DLAT: variants seen among roughly 807,000 people sequenced by gnomAD.
DLAT encodes dihydrolipoamide S-acetyltransferase.
DLAT carries 43 observed loss-of-function variants against 68.0 expected under a neutral mutation model. The ratio of observed to expected loss-of-function variants is 0.63; its 90% CI spans 0.50 to 0.81. The LOEUF (loss-of-function observed/expected upper bound fraction) is 0.81, where lower values mean the gene tolerates loss of function less well. Ranked by LOEUF, DLAT falls within the 40% of genes least tolerant of loss-of-function variation. The pLI, the probability that DLAT is intolerant of heterozygous loss-of-function variation, is 0.00. For synonymous variants in DLAT, 265 were observed against 288.6 expected (o/e 0.92, Z 0.83); for missense variants, 745 against 815.4 (o/e 0.91, Z 1.05).
intron 11 of DLAT, among the ~76,000 whole-genome samples, chr11:112,056,554 G>A (rs782553543): frequency 6.6e-6 from 1 of 152,016 alleles, no homozygotes; most frequent in Non-Finnish European, 1.5e-5. Context: ...GTGTTTAATC[G>A]TATCAATATA....
At position 112,025,737 on chromosome 11, in the gene DLAT, C is replaced by A. The variant is rs781970601; in HGVS notation, c.265C>A (p.Pro89Thr). Residue 89 changes from proline (P) to threonine (T), a missense_variant, in exon 1 of 14, where the codon CCC (proline) becomes ACC (threonine). Transcript: ENST00000280346. ...GSPGRRYYSL[P>T]PHQKVPLPSL... ...GCCCGGCCGCCGCTATTACAGTCTT[C>A]CCCCGCATCAGAAGGTGAGCCCTAG... 2 of 1,613,300 alleles carry A rather than the reference C, an allele frequency of 1.2e-6. No homozygotes were observed. Among genetic ancestry groups the A allele is most frequent in the Non-Finnish European group, 8.5e-7 (1 of 1,179,964 alleles).
chr11:112,027,913 T>TGGGGAGAGGGAGAGGGAG (rs1862162686), intron 2 of DLAT, among the ~76,000 whole-genome samples: 3 of 120,606 alleles, frequency 2.5e-5, no homozygotes. Flanking sequence ...AGGGAGACCG[T>TGGGGAGAGGGAGAGGGAG]GGGGAGAGGG....
In DLAT at chr11:112,060,039, G is replaced by T; in HGVS notation, c.1651G>T (p.Gly551Cys). 1.2e-6 allele frequency: 2 copies of T among 1,613,786 alleles called. No homozygotes were observed. The highest frequency in any genetic ancestry group is 1.1e-5 in the South Asian group (1 of 91,062). ...VVSLATKARE[G>C]KLQPHEFQGG... is the part of the protein sequence containing the mutation. ...TTCTTTAGCAACCAAAGCAAGAGAG[G>T]GTAAACTACAGCCACATGAATTCCA... The change falls in exon 12 of 14, where the codon GGT (glycine) becomes TGT (cysteine). Residue 551 changes from glycine (G) to cysteine (C), a missense_variant. Physicochemically the swap from Gly to Cys is radical, Grantham distance 159 (BLOSUM62 -3). Coordinates refer to ENST00000280346, the MANE Select transcript of DLAT (RefSeq NM_001931.5).
chr11:112,036,151 ATATGTGTGTGTATATATGTGTGTG>A (rs139271036), intron 5 of DLAT, among the ~76,000 whole-genome samples: 88 of 135,260 alleles, frequency 6.5e-4, no homozygotes, highest in Middle Eastern at 4.3e-3. Flanking sequence ...GTATATATAT[ATATGTGTGTGTATATATGTGTGTG>A]TGTGTGTGTG....
chr11:112,037,219 T>G, intron 5 of DLAT, 54 bp from the exon 6 acceptor site: 1 of 1,533,888 alleles, frequency 6.5e-7, no homozygotes. Context: ...GCTGTGAGTT[T>G]GGAGGGATAG....
chr11:112,047,716 T>C (rs1863395184), intron 10 of DLAT, among the ~76,000 whole-genome samples: 1 of 152,230 alleles, frequency 6.6e-6, no homozygotes, highest in Non-Finnish European at 1.5e-5. Context: ...ATTGATTAAA[T>C]AGGGAATCCT....
rs1555183600 is a variant in DLAT, at chr11:112,064,161, C to T, written c.*1626C>T. On this transcript the variant is annotated 3_prime_UTR_variant, in exon 14 of 14. Coordinates refer to ENST00000280346, the MANE Select transcript of DLAT (RefSeq NM_001931.5). ...TCATCAATATGATCCAAATCTGGTT[C>T]AAACATTCAAAACTTCAAAGATAAT... The T allele has an allele frequency of 6.4e-7, 1 of 1,561,208 alleles. No homozygotes were observed. Among genetic ancestry groups the T allele is most frequent in the Non-Finnish European group, 8.7e-7 (1 of 1,153,072 alleles).
chr11:112,054,588 C>T (rs1214748793), intron 11 of DLAT, among the ~76,000 whole-genome samples: 2 of 152,138 alleles, frequency 1.3e-5, no homozygotes, highest in Non-Finnish European at 2.9e-5. Context: ...TCTGATCAAA[C>T]CTATTGGGTA....
rs1239103535 is a variant in DLAT at position 112,033,477 on chromosome 11, A to G, written c.734A>G (p.Lys245Arg). The change falls in exon 5 of 14, where the codon AAG (lysine) becomes AGG (arginine). Residue 245 changes from lysine (K) to arginine (R), a missense_variant. Transcript: ENST00000280346. ...AGATGGGAAAAAAAAGTGGGTGAGAAGCTAAGTGAAGGAGACTTACTGGCA... is the reference window on the plus strand; with the variant it reads ...AGATGGGAAAAAAAAGTGGGTGAGAGGCTAAGTGAAGGAGACTTACTGGCA... ...VQRWEKKVGE[K>R]LSEGDLLAEI... 3 of 1,613,890 alleles carry G rather than the reference A, an allele frequency of 1.9e-6. No homozygotes were observed. The highest frequency in any genetic ancestry group is 2.5e-6 in the Non-Finnish European group (3 of 1,179,940).
Position 112,037,478 on chromosome 11 carries a change from A to T in DLAT, c.975+18A>T. ...CACCCCCGGTAGGTATGCTTCTAGA[A>T]TTCAGGAAACACTTACCTTGTTCAT... On this transcript the variant is annotated intron_variant, in intron 6 of 13. Transcript: ENST00000280346. 3 of 1,612,938 alleles carry T rather than the reference A, an allele frequency of 1.9e-6. No individual in the cohort carries two copies. The highest frequency in any genetic ancestry group is 2.5e-6 in the Non-Finnish European group (3 of 1,178,960).
Position 112,029,020 on chromosome 11 carries a change from A to G in DLAT, c.660+75A>G. ...ACTTTTTTTCATAGATGGCTACTAC[A>G]TCTTGGAAACTGACATTAAATGTGG... On this transcript the variant is annotated intron_variant, in intron 4 of 13. Transcript: ENST00000280346. The G allele has an allele frequency of 3.9e-6, 6 of 1,543,360 alleles. No homozygotes were observed. In the South Asian group the frequency reaches 6.7e-5, roughly 17 times the overall value.
chr11:112,032,317 T>C (rs781899197), intron 4 of DLAT, among the ~76,000 whole-genome samples: 37 of 151,126 alleles, frequency 2.4e-4, no homozygotes, highest in Non-Finnish European at 4.4e-4. Context: ...TCTGTGTACA[T>C]ATATTATATA....
intron 13 of DLAT, 104 bp downstream of exon 13, chr11:112,061,278 T>A: frequency 8.1e-7 from 1 of 1,238,466 alleles, no homozygotes; most frequent in Non-Finnish European, 1.2e-6. Flanking sequence ...CCCTCAAATA[T>A]CGTGATCCAC....
rs1555181990 is a variant in DLAT at position 112,051,351 on chromosome 11, T to G, written c.1514+2T>G. The G allele has an allele frequency of 6.3e-7, 1 of 1,576,462 alleles. No homozygotes were observed. Among genetic ancestry groups the G allele is most frequent in the East Asian group, 2.2e-5 (1 of 44,674 alleles). On this transcript the variant is annotated splice_donor_variant, in intron 11 of 13. Transcript: ENST00000280346. LOFTEE classifies it high-confidence loss of function. The surrounding 1 kb of genome is among the most constrained non-coding windows in gnomAD (Gnocchi z 4.3). ...TTGGATGGACACAGTTATAAGACAG[T>G]AAGTATAACTGGGGAAGATATATAT...
At chr11:112,037,610 G>C in intron 6 of DLAT, 150 bp downstream of exon 6, 5 of 850,106 alleles carry the variant, frequency 5.9e-6, no homozygotes, top group Non-Finnish European at 5.8e-6. Context: ...GAGACCTATA[G>C]TGTTTGTTGT....
intron 10 of DLAT, among the ~76,000 whole-genome samples, chr11:112,048,264 CTGTT>C (rs1421989943): frequency 2.6e-5 from 4 of 152,072 alleles, no homozygotes; most frequent in Non-Finnish European, 5.9e-5. Flanking sequence ...ATTTGGCTCT[CTGTT>C]TGTCTGTTAT....
Position 112,026,299 on chromosome 11 carries a change from G to C in DLAT, c.381G>C (p.Glu127Asp). ...DKINEGDLIA[E>D]VETDKATVGF... ...TCAATGAAGGTGACCTAATTGCAGA[G>C]GTAAGTTTTTTTTTTTTTTTTTAAT... The change falls in exon 2 of 14, where the codon GAG becomes GAC. Residue 127 changes from glutamate to aspartate, a missense_variant and splice_region_variant. Transcript: ENST00000280346. The C allele has an allele frequency of 7.0e-7, 1 of 1,432,778 alleles. No homozygotes were observed. The highest frequency in any genetic ancestry group is 9.2e-7 in the Non-Finnish European group (1 of 1,081,388). The allele number at this position is 1,432,778 out of a possible 1,614,324, so 88.8% of individuals were successfully genotyped here.
intron 11 of DLAT, among the ~76,000 whole-genome samples, chr11:112,059,191 C>G (rs1259498502): frequency 1.3e-5 from 2 of 152,094 alleles, no homozygotes. Context: ...AAACTACTTG[C>G]AGAGACTCAA....
rs1483595656 is a variant in DLAT, at chr11:112,026,155, G to A, written c.280-43G>A. Reference sequence around the variant, plus strand: ...AATCTTAAGCCAGACTGAGAGTTAGGTAGTCCTTAAAAATTTTAATGTTTC... The same window carrying A: ...AATCTTAAGCCAGACTGAGAGTTAGATAGTCCTTAAAAATTTTAATGTTTC... On this transcript the variant is annotated intron_variant, in intron 1 of 13. Coordinates refer to ENST00000280346, the MANE Select transcript of DLAT (RefSeq NM_001931.5). 13 of 1,389,246 alleles carry A rather than the reference G, an allele frequency of 9.4e-6. No individual in the cohort carries two copies. The Admixed American group carries it at 2.2e-4, about 23-fold the overall frequency. 86.1% of individuals were successfully genotyped at this position (1,389,246 alleles called of 1,614,324 possible).
Sources: gnomAD v4.1 joint callset for allele counts (sites outside exome capture counted in the v4.1 genomes callset) on GRCh38, gnomAD v4.1.1 for gene constraint, Gnocchi (gnomAD v3.1) non-coding constraint, MANE v1.5 for transcripts, NCBI Gene and HGNC (gene_info 2026-07-23, HGNC 2026-07-21) for gene names.